Variants in LRRC34 observed in about 807,000 individuals in gnomAD.
LRRC34 encodes leucine rich repeat containing 34, also known as leucine-rich repeat-containing protein 34.
Under a neutral mutation model 48.5 loss-of-function variants are expected in LRRC34, and 44 were observed. That is an observed-to-expected ratio of 0.91 (90% CI 0.71 to 1.17). The LOEUF is 1.17. Among genes scored for constraint, LRRC34 ranks in the 50% most tolerant of loss-of-function variants. LRRC34 has a pLI of 0.00. For synonymous variants in LRRC34, 192 were observed against 197.6 expected (o/e 0.97, Z 0.24); for missense variants, 502 against 563.0 (o/e 0.89, Z 1.10).
intron 6 of LRRC34, 70 bp downstream of exon 6, chr3:169,803,983 T>G (rs1445465094): frequency 7.2e-7 from 1 of 1,390,030 alleles, no homozygotes; most frequent in Non-Finnish European, 9.5e-7. Flanking sequence ...TAATCATTCA[T>G]AAGACTCTGA....
At chr3:169,795,890 A>AGC (rs1778967878) in intron 9 of LRRC34, 1 of 1,161,054 alleles carries the variant, frequency 8.6e-7, no homozygotes, top group South Asian at 3.3e-5. Flanking sequence ...GCATCCAAGT[A>AGC]TTTTATTCTT....
intron 2 of LRRC34, chr3:169,807,959 C>T (rs1368013212): frequency 2.4e-6 from 1 of 417,082 alleles, no homozygotes; most frequent in Non-Finnish European, 4.2e-6. Context: ...CACTCACACT[C>T]ACACAAACAG....
At chr3:169,811,211 T>C (rs932725561) in intron 1 of LRRC34, among the ~76,000 whole-genome samples, 1 of 152,228 alleles carries the variant, frequency 6.6e-6, no homozygotes, top group Admixed American at 6.5e-5. Flanking sequence ...TTCCCTACTG[T>C]CTTCCTTGGT....
intron 7 of LRRC34, among the ~76,000 whole-genome samples, chr3:169,799,711 T>C (rs1489125655): frequency 6.6e-6 from 1 of 152,040 alleles, no homozygotes; most frequent in Non-Finnish European, 1.5e-5. Context: ...GATTGATTGA[T>C]TGATTGATTG....
At chr3:169,808,509 G>T in intron 2 of LRRC34, 119 bp downstream of exon 2, 1 of 613,632 alleles carries the variant, frequency 1.6e-6, no homozygotes, top group Non-Finnish European at 2.9e-6. Context: ...GAATCAAATG[G>T]TATGTTCATT....
intron 4 of LRRC34, 86 bp from the exon 5 acceptor site, chr3:169,807,017 T>C (rs1224565399): frequency 1.6e-6 from 1 of 622,094 alleles, no homozygotes; most frequent in South Asian, 2.9e-5. Context: ...ACACATACAG[T>C]ATATACTTTA....
Position 169,812,335 on chromosome 3 carries a change from C to G in LRRC34, c.139+75G>C, listed in dbSNP as rs1483888745. The G allele has an allele frequency of 6.9e-7, 1 of 1,458,930 alleles. No individual in the cohort carries two copies. The highest frequency in any genetic ancestry group is 2.3e-5 in the Admixed American group (1 of 42,888). 90.4% of individuals were successfully genotyped at this position (1,458,930 alleles called of 1,614,324 possible). A position where few individuals can be genotyped will look rare whatever the true frequency, so the allele number is the denominator to read the frequency against. ...GGGCTGGCGGGCTGCTGGGAGGACT[C>G]CTGCCGTGCGACCCCGGCGCCCCTC... On this transcript the variant is annotated intron_variant, in intron 1 of 10. Transcript: ENST00000446859. This position sits in a 1 kb window ranked among gnomAD's most constrained non-coding sequence, Gnocchi z 4.3.
chr3:169,808,789 A>G (rs1471732613), intron 1 of LRRC34, 44 bp from the exon 2 acceptor site: 3 of 1,117,632 alleles, frequency 2.7e-6, no homozygotes, highest in African/African-American at 3.2e-5. Context: ...ATTATTCTAG[A>G]AGCTTTAAAA....
In LRRC34 at chr3:169,810,406, G is replaced by T. The variant is rs891368230; in HGVS notation, c.140-1661C>A. ...ATCTTTGGATATAACTTTATATGCTGTTTTTTAAATTAACATTATATTGTA... is the reference window on the plus strand; with the variant it reads ...ATCTTTGGATATAACTTTATATGCTTTTTTTTAAATTAACATTATATTGTA... On this transcript the variant is annotated intron_variant, in intron 1 of 10. Transcript: ENST00000446859. Among the ~76,000 whole-genome samples, 3 of 151,934 alleles carry T rather than the reference G, an allele frequency of 2.0e-5. No individual in the cohort carries two copies. In the East Asian group the frequency reaches 5.8e-4, roughly 29 times the overall value.
At chr3:169,799,183 C>T (rs557076516) in intron 7 of LRRC34, among the ~76,000 whole-genome samples, 1 of 152,118 alleles carries the variant, frequency 6.6e-6, no homozygotes, top group East Asian at 1.9e-4. Flanking sequence ...AATTCTGGTA[C>T]CAAAAAGTGC....
intron 10 of LRRC34, 100 bp from the exon 11 acceptor site, chr3:169,793,938 T>A: frequency 2.8e-6 from 2 of 720,114 alleles, no homozygotes; most frequent in Non-Finnish European, 4.4e-6. Context: ...TGCTAATTTG[T>A]AGTTTAAAAT....
intron 2 of LRRC34, 71 bp from the exon 3 acceptor site, chr3:169,807,780 A>C (rs1658156260): frequency 7.0e-7 from 1 of 1,434,906 alleles, no homozygotes; most frequent in Admixed American, 2.8e-5. Context: ...AAGTAAAAGT[A>C]TGTTTCCTTC....
At chr3:169,799,673 G>A (rs926615902) in intron 7 of LRRC34, among the ~76,000 whole-genome samples, 20 of 151,912 alleles carry the variant, frequency 1.3e-4, no homozygotes, top group African/African-American at 4.1e-4. Context: ...GAAAAATAAA[G>A]TTGAGAATTC....
In LRRC34 at chr3:169,812,237, C is replaced by T. The variant is rs1779611726; in HGVS notation, c.139+173G>A. 6.6e-6 allele frequency among the ~76,000 whole-genome samples: 1 copy of T among 152,110 alleles called. No individual in the cohort carries two copies. The highest frequency in any genetic ancestry group is 1.5e-5 in the Non-Finnish European group (1 of 67,986). The stretch of plus-strand genomic sequence containing the variant: ...GGCGACCGGGGACTCTTCTCCTGCC[C>T]TCGTTTCTGGGCGCCCCAAACCTCT... On this transcript the variant is annotated intron_variant, in intron 1 of 10. Coordinates refer to ENST00000446859, the MANE Select transcript of LRRC34 (RefSeq NM_001172779.2). The surrounding 1 kb of genome is among the most constrained non-coding windows in gnomAD (Gnocchi z 4.3).
At chr3:169,801,364 C>G (rs1027417860) in intron 6 of LRRC34, among the ~76,000 whole-genome samples, 2 of 152,140 alleles carry the variant, frequency 1.3e-5, no homozygotes, top group African/African-American at 4.8e-5. Flanking sequence ...AAAGATGTCT[C>G]AAATTAGTCT....
intron 1 of LRRC34, among the ~76,000 whole-genome samples, chr3:169,811,344 G>A (rs969069754): frequency 6.6e-6 from 1 of 152,154 alleles, no homozygotes; most frequent in African/African-American, 2.4e-5. Flanking sequence ...ACAAAGTTAT[G>A]GAAATATTCT....
chr3:169,807,584 A>T lies in LRRC34; in HGVS notation c.379+4T>A. ...AGGAGGTATTGATTCTTATGGAAAC[A>T]TACCATTAATATACAGACAATTCTT... On this transcript the variant is annotated splice_donor_region_variant and intron_variant, in intron 3 of 10. Transcript: ENST00000446859. 1.2e-6 allele frequency: 2 copies of T among 1,612,712 alleles called. No individual in the cohort carries two copies. Among genetic ancestry groups the T allele is most frequent in the Non-Finnish European group, 1.7e-6 (2 of 1,179,266 alleles).
At chr3:169,803,182 G>A (rs1281601236) in intron 6 of LRRC34, among the ~76,000 whole-genome samples, 1 of 152,162 alleles carries the variant, frequency 6.6e-6, no homozygotes, top group Non-Finnish European at 1.5e-5. Flanking sequence ...CAGGCCAGGT[G>A]AAGGTTCAAA....
At position 169,811,657 on chromosome 3, in the gene LRRC34, C is replaced by T. The variant is rs140832105; in HGVS notation, c.139+753G>A. ...GGACTTACTTAGGAGGTAGATCCCT[C>T]CAAAACATGCTTTTCTATACTTAGC... On this transcript the variant is annotated intron_variant, in intron 1 of 10. Coordinates refer to ENST00000446859, the MANE Select transcript of LRRC34 (RefSeq NM_001172779.2). 5.0e-3 allele frequency among the ~76,000 whole-genome samples: 760 copies of T among 152,292 alleles called. 3 individuals are homozygous for T. The highest frequency in any genetic ancestry group is 5.7e-3 in the Non-Finnish European group (389 of 68,028).
Sources: gnomAD v4.1 joint callset for allele counts (sites outside exome capture counted in the v4.1 genomes callset) on GRCh38, gnomAD v4.1.1 for gene constraint, Gnocchi (gnomAD v3.1) non-coding constraint, MANE v1.5 for transcripts, NCBI Gene and HGNC (gene_info 2026-07-23, HGNC 2026-07-21) for gene names.